TFEC: variants seen among roughly 807,000 people sequenced by gnomAD.
TFEC encodes the protein class E basic helix-loop-helix protein 34.
TFEC carries 31 observed loss-of-function variants against 41.6 expected under a neutral mutation model. The ratio of observed to expected loss-of-function variants is 0.74; its 90% CI spans 0.56 to 1.01. TFEC has a LOEUF of 1.01. TFEC is among the 50% of genes least tolerant of loss of function. The pLI, the probability that TFEC is intolerant of heterozygous loss-of-function variation, is 0.00. For synonymous variants in TFEC, 143 were observed against 140.6 expected (o/e 1.02, Z -0.12); for missense variants, 402 against 404.1 (o/e 0.99, Z 0.04).
chr7:116,001,083 A>C (rs1794576075), intron 1 of TFEC, among the ~76,000 whole-genome samples: 1 of 152,204 alleles, frequency 6.6e-6, no homozygotes, highest in African/African-American at 2.4e-5. Context: ...ATAGTAACAA[A>C]AACAGCATTG....
chr7:116,089,258 T>C (rs1489975865), intron 3 of TFEC, among the ~76,000 whole-genome samples: 1 of 152,058 alleles, frequency 6.6e-6, no homozygotes, highest in East Asian at 1.9e-4. Context: ...GCAAAGAACC[T>C]TGGAAAAATA....
rs150766754 is a variant in TFEC, at chr7:115,975,704, C to T, written c.181-1448G>A. 7.6e-3 allele frequency among the ~76,000 whole-genome samples: 1,160 copies of T among 152,142 alleles called. 24 individuals carry two copies. Among genetic ancestry groups the T allele is most frequent in the African/African-American group, 0.026 (1,098 of 41,518 alleles). ...AGGAAATTAAAGCAGGTAGAGGATA[C>T]GGCTTGATGAAAATGGTTGTTATTT... On this transcript the variant is annotated intron_variant, in intron 2 of 7. Coordinates refer to ENST00000265440, the MANE Select transcript of TFEC (RefSeq NM_012252.4).
intron 1 of TFEC, among the ~76,000 whole-genome samples, chr7:116,137,512 G>A (rs1024105373): frequency 3.3e-4 from 50 of 152,228 alleles, no homozygotes; most frequent in African/African-American, 1.2e-3. Context: ...GCTATTTTAT[G>A]TCTTTGAGTC....
intron 3 of TFEC, among the ~76,000 whole-genome samples, chr7:115,966,081 T>C (rs1792833075): frequency 6.6e-6 from 1 of 151,756 alleles, no homozygotes; most frequent in African/African-American, 2.4e-5. Flanking sequence ...AACTTCCTTC[T>C]GCTTTCTCCC....
At chr7:115,953,276 T>C (rs2130380598) in intron 5 of TFEC, among the ~76,000 whole-genome samples, 1 of 152,134 alleles carries the variant, frequency 6.6e-6, no homozygotes, top group East Asian at 1.9e-4. Context: ...GGCCTCTGGG[T>C]CTTTATGAAG....
intron 6 of TFEC, 119 bp from the exon 7 acceptor site, chr7:115,942,159 G>T: frequency 1.9e-6 from 2 of 1,026,322 alleles, no homozygotes; most frequent in Non-Finnish European, 2.7e-6. Context: ...TTCACTCTTA[G>T]ATATTATTGC....
chr7:116,013,426 T>G (rs1795075869), intron 1 of TFEC, among the ~76,000 whole-genome samples: 1 of 152,072 alleles, frequency 6.6e-6, no homozygotes, highest in Non-Finnish European at 1.5e-5. Flanking sequence ...AAAAGAACAT[T>G]AAAATGGAGG....
intron 1 of TFEC, among the ~76,000 whole-genome samples, chr7:116,142,877 C>A (rs1798568911): frequency 6.6e-6 from 1 of 152,154 alleles, no homozygotes; most frequent in African/African-American, 2.4e-5. Flanking sequence ...AAAGTCCTAA[C>A]TATCAATAAT....
intron 3 of TFEC, among the ~76,000 whole-genome samples, chr7:116,084,958 G>A (rs1040325198): frequency 1.3e-5 from 2 of 151,688 alleles, no homozygotes; most frequent in Non-Finnish European, 2.9e-5. Flanking sequence ...TATCAACTTC[G>A]GGCTAATGGA....
At chr7:116,127,222 A>G (rs375102274) in intron 1 of TFEC, among the ~76,000 whole-genome samples, 2 of 151,590 alleles carry the variant, frequency 1.3e-5, no homozygotes, top group African/African-American at 4.8e-5. Flanking sequence ...CAGCCTCCCG[A>G]GTAGCTGGGA....
rs1465635151 is a variant in TFEC, at chr7:115,950,052, C to T, written c.515+822G>A. 2.9e-5 allele frequency among the ~76,000 whole-genome samples: 4 copies of T among 137,106 alleles called. No individual in the cohort carries two copies. In the East Asian group the frequency reaches 8.4e-4, roughly 29 times the overall value. 89.9% of individuals were successfully genotyped at this position (137,106 alleles called of 152,430 possible). A position where few individuals can be genotyped will look rare whatever the true frequency, so the allele number is the denominator to read the frequency against. ...TTTGAGATGGAGTCTTGCTCTGTTGCCCAGGCTGGAGTGCAGTGGCATGAT... is the reference window on the plus strand; with the variant it reads ...TTTGAGATGGAGTCTTGCTCTGTTGTCCAGGCTGGAGTGCAGTGGCATGAT... On this transcript the variant is annotated intron_variant, in intron 6 of 7. Transcript: ENST00000265440.
At chr7:116,127,951 G>A (rs1373381806) in intron 1 of TFEC, among the ~76,000 whole-genome samples, 1 of 151,834 alleles carries the variant, frequency 6.6e-6, no homozygotes, top group Non-Finnish European at 1.5e-5. Context: ...CTAAATATAT[G>A]TACAGTCTTT....
intron 3 of TFEC, among the ~76,000 whole-genome samples, chr7:116,079,280 T>C (rs997876142): frequency 3.9e-5 from 6 of 152,068 alleles, no homozygotes; most frequent in Non-Finnish European, 7.4e-5. Context: ...AAGACAAGGA[T>C]GCCCATTTTC....
At chr7:115,987,189 G>A (rs1378027438) in intron 1 of TFEC, among the ~76,000 whole-genome samples, 1 of 152,118 alleles carries the variant, frequency 6.6e-6, no homozygotes, top group Admixed American at 6.6e-5. Context: ...GAAGCTATCT[G>A]TACAACATCT....
intron 3 of TFEC, among the ~76,000 whole-genome samples, chr7:116,058,119 A>G (rs1409667610): frequency 6.6e-6 from 1 of 151,844 alleles, no homozygotes; most frequent in Non-Finnish European, 1.5e-5. Flanking sequence ...TTAAGACCTA[A>G]CTATATGCTT....
chr7:116,054,691 C>T (rs10254649), intron 3 of TFEC, among the ~76,000 whole-genome samples: 15,125 of 152,006 alleles, frequency 0.1, 830 homozygotes, highest in African/African-American at 0.13. Context: ...TCAAATATGG[C>T]ATGGAACATA....
At chr7:116,006,820 A>G (rs905859726) in intron 1 of TFEC, among the ~76,000 whole-genome samples, 2 of 152,048 alleles carry the variant, frequency 1.3e-5, no homozygotes, top group Non-Finnish European at 2.9e-5. Context: ...ACCTGGTGGG[A>G]GGTAATTGAA....
chr7:116,128,152 A>G (rs1282101540), intron 1 of TFEC, among the ~76,000 whole-genome samples: 2 of 152,196 alleles, frequency 1.3e-5, no homozygotes, highest in Non-Finnish European at 2.9e-5. Flanking sequence ...ATCACATTCC[A>G]CATACCCAGG....
At chr7:115,963,273 A>G (rs903576209) in intron 3 of TFEC, among the ~76,000 whole-genome samples, 1 of 151,868 alleles carries the variant, frequency 6.6e-6, no homozygotes, top group African/African-American at 2.4e-5. Context: ...AATCAAAGCT[A>G]CCATGTAATA....
Sources: gnomAD v4.1 joint callset for allele counts (sites outside exome capture counted in the v4.1 genomes callset) on GRCh38, gnomAD v4.1.1 for gene constraint, MANE v1.5 for transcripts, NCBI Gene and HGNC (gene_info 2026-07-23, HGNC 2026-07-21) for gene names.